The following CFAP206 variants were observed in gnomAD, a reference collection of about 807,000 sequenced individuals.
CFAP206 encodes cilia- and flagella-associated protein 206.
CFAP206 carries 53 observed loss-of-function variants against 65.4 expected under a neutral mutation model. The ratio of observed to expected loss-of-function variants is 0.81; its 90% CI spans 0.65 to 1.02. The LOEUF is 1.02. Ranked by LOEUF, CFAP206 falls within the 50% of genes least tolerant of loss-of-function variation. The pLI, the probability that CFAP206 is intolerant of heterozygous loss-of-function variation, is 0.00. For synonymous variants in CFAP206, 250 were observed against 254.4 expected (o/e 0.98, Z 0.17); for missense variants, 663 against 753.2 (o/e 0.88, Z 1.40).
At chr6:87,449,361 C>A (rs1416682008) in intron 11 of CFAP206, among the ~76,000 whole-genome samples, 1 of 146,754 alleles carries the variant, frequency 6.8e-6, no homozygotes, top group Non-Finnish European at 1.5e-5. Flanking sequence ...GGCATGAACC[C>A]AGGAGGCGAA....
chr6:87,445,010 C>G, intron 11 of CFAP206: 1 of 520,884 alleles, frequency 1.9e-6, no homozygotes, highest in South Asian at 1.4e-5. Context: ...GACACTGGCT[C>G]TCTTTGGCAT....
intron 4 of CFAP206, among the ~76,000 whole-genome samples, chr6:87,414,405 C>T (rs1048061952): frequency 6.6e-6 from 1 of 152,198 alleles, no homozygotes; most frequent in African/African-American, 2.4e-5. Context: ...TGAAGCAATT[C>T]TCCCACCTCA....
intron 4 of CFAP206, among the ~76,000 whole-genome samples, chr6:87,414,551 T>C (rs1207005802): frequency 6.6e-6 from 1 of 152,154 alleles, no homozygotes; most frequent in Non-Finnish European, 1.5e-5. Context: ...GTCTACGCCT[T>C]AGACTCCCAA....
intron 11 of CFAP206, chr6:87,444,391 G>C: frequency 4.5e-6 from 1 of 220,516 alleles, no homozygotes; most frequent in South Asian, 8.2e-5. Context: ...TTATCAGAAG[G>C]GCATTACGCT....
chr6:87,421,545 A>T (rs1000949369), intron 7 of CFAP206, among the ~76,000 whole-genome samples: 15 of 152,224 alleles, frequency 9.9e-5, no homozygotes, highest in African/African-American at 3.1e-4. Context: ...TTTTGTTTTA[A>T]TCAGGCCTTT....
chr6:87,413,455 T>C (rs187315747), intron 3 of CFAP206, among the ~76,000 whole-genome samples: 4 of 152,258 alleles, frequency 2.6e-5, no homozygotes, highest in Non-Finnish European at 5.9e-5. Flanking sequence ...ACAGTAGACA[T>C]TGAAGACTTG....
At chr6:87,432,114 ATTTAC>A (rs1209164848) in intron 10 of CFAP206, among the ~76,000 whole-genome samples, 9 of 152,128 alleles carry the variant, frequency 5.9e-5, no homozygotes, top group Non-Finnish European at 1.3e-4. Flanking sequence ...TTGTGTCTTA[ATTTAC>A]TTTACGCCAT....
intron 11 of CFAP206, among the ~76,000 whole-genome samples, chr6:87,446,873 C>T (rs1405186108): frequency 1.3e-5 from 2 of 152,124 alleles, no homozygotes; most frequent in African/African-American, 4.8e-5. Context: ...TTTCCTTGAG[C>T]AGTGGTTTAT....
intron 10 of CFAP206, among the ~76,000 whole-genome samples, chr6:87,433,424 A>T (rs1311973276): frequency 6.6e-6 from 1 of 152,150 alleles, no homozygotes; most frequent in Non-Finnish European, 1.5e-5. Flanking sequence ...ACTTCCACAA[A>T]CTATGTGGAT....
At position 87,415,810 on chromosome 6, in the gene CFAP206, C is replaced by CT. The variant is rs769840269; in HGVS notation, c.409dup (p.Tyr137LeufsTer41). ...AAAGCCTCTACCGGAAGATTATCAG[C>CT]TATGTGTTACTCCGCTCTGGCCTTG... On this transcript the variant is annotated frameshift_variant, in exon 5 of 13. Coordinates refer to ENST00000369562, the MANE Select transcript of CFAP206 (RefSeq NM_001031743.3). LOFTEE classifies it high-confidence loss of function. 3.1e-6 allele frequency: 5 copies of CT among 1,613,198 alleles called. No individual in the cohort carries two copies. Among genetic ancestry groups the CT allele is most frequent in the Non-Finnish European group, 4.2e-6 (5 of 1,179,628 alleles).
chr6:87,451,278 G>A (rs1156387646), intron 11 of CFAP206, among the ~76,000 whole-genome samples: 1 of 152,174 alleles, frequency 6.6e-6, no homozygotes, highest in Non-Finnish European at 1.5e-5. Flanking sequence ...TGGAGTTCTG[G>A]GAGGAAAGGG....
chr6:87,462,948 T>C (rs1348638780), intron 12 of CFAP206, among the ~76,000 whole-genome samples: 7 of 152,256 alleles, frequency 4.6e-5, no homozygotes, highest in Non-Finnish European at 8.8e-5. Context: ...GCTTTGGCAG[T>C]GTCTCAGAAG....
intron 11 of CFAP206, among the ~76,000 whole-genome samples, chr6:87,455,764 G>T (rs1226227901): frequency 2.0e-5 from 3 of 152,060 alleles, no homozygotes; most frequent in African/African-American, 4.8e-5. Flanking sequence ...AAACCCAGAA[G>T]AAATAAATTC....
chr6:87,454,402 C>G (rs1343421291), intron 11 of CFAP206, among the ~76,000 whole-genome samples: 1 of 152,176 alleles, frequency 6.6e-6, no homozygotes, highest in Non-Finnish European at 1.5e-5. Flanking sequence ...ACTTACAGTA[C>G]ATTTTGTTCA....
intron 10 of CFAP206, among the ~76,000 whole-genome samples, chr6:87,431,469 A>G (rs182118011): frequency 7.9e-5 from 12 of 152,346 alleles, no homozygotes; most frequent in Admixed American, 6.5e-4. Flanking sequence ...AATTCTAGAA[A>G]TGTTACACGA....
intron 7 of CFAP206, among the ~76,000 whole-genome samples, chr6:87,422,451 G>GAAA (rs754181099): frequency 1.7e-5 from 1 of 59,102 alleles, no homozygotes; most frequent in Non-Finnish European, 3.4e-5. Context: ...ACTCCATCTC[G>GAAA]AAAAAAAAAA....
intron 11 of CFAP206, among the ~76,000 whole-genome samples, chr6:87,437,737 T>G (rs934029649): frequency 6.6e-6 from 1 of 151,678 alleles, no homozygotes; most frequent in Non-Finnish European, 1.5e-5. Flanking sequence ...CTCACTACAG[T>G]GTTGACCTCC....
In CFAP206 at chr6:87,428,720, C is replaced by G. The variant is rs374985737; in HGVS notation, c.1055C>G (p.Pro352Arg). 2.0e-5 allele frequency: 33 copies of G among 1,613,990 alleles called. No individual in the cohort carries two copies. Among genetic ancestry groups the G allele is most frequent in the Non-Finnish European group, 2.7e-5 (32 of 1,180,016 alleles). The change falls in exon 9 of 13, where the codon CCA (proline) becomes CGA (arginine). Residue 352 changes from proline to arginine, a missense_variant. Physicochemically the swap from Pro to Arg is moderately radical, Grantham distance 103 (BLOSUM62 -2). Transcript: ENST00000369562. ...AGTAATTTATTCACTCACATTCAGC[C>G]ATTCTTGGGTGCTCACGAACTATAC... is the stretch of plus-strand genomic sequence containing the variant. ...VLSNLFTHIQ[P>R]FLGAHELYFP...
At chr6:87,444,814 T>A (rs1401255367) in intron 11 of CFAP206, 1 of 549,280 alleles carries the variant, frequency 1.8e-6, no homozygotes, top group Non-Finnish European at 3.5e-6. Context: ...TGTGCTAGCA[T>A]CTTTGTAATC....
Sources: gnomAD v4.1 joint callset for allele counts (sites outside exome capture counted in the v4.1 genomes callset) on GRCh38, gnomAD v4.1.1 for gene constraint, MANE v1.5 for transcripts, NCBI Gene and HGNC (gene_info 2026-07-23, HGNC 2026-07-21) for gene names.